The following ZNF385A variants were observed in gnomAD, a reference collection of about 807,000 sequenced individuals.
ZNF385A encodes zinc finger protein 385A, also known as hematopoietic zinc finger protein.
Under a neutral mutation model 32.1 loss-of-function variants are expected in ZNF385A, and 14 were observed. That is an observed-to-expected ratio of 0.44 (90% confidence interval 0.29 to 0.68). The LOEUF is 0.68. ZNF385A is among the 30% of genes least tolerant of loss of function. The pLI is 0.14. For missense variants in ZNF385A, 406 were observed against 478.4 expected, an observed-to-expected ratio of 0.85 and a Z score of 1.41; for synonymous variants, 197 against 202.7, an observed-to-expected ratio of 0.97 and a Z score of 0.24.
At chr12:54,376,007 C>T in intron 1 of ZNF385A, 53 bp from the exon 2 acceptor site, 5 of 1,437,462 alleles carry the variant, frequency 3.5e-6, no homozygotes, top group Non-Finnish European at 4.9e-6. Context: ...TCATGTCCAG[C>T]ATTCCCCCAA....
chr12:54,388,634 A>G (rs1955556294), upstream of ZNF385A, among the ~76,000 whole-genome samples: 1 of 152,240 alleles, frequency 6.6e-6, no homozygotes, highest in Non-Finnish European at 1.5e-5. Context: ...GCAAGTAGTT[A>G]GGGCCCAAGG....
rs1458007917 is a variant in ZNF385A, at chr12:54,369,519, C to CT, written c.*736dup. ...AAGGCGAGGCGGGGGTGGGCTTGGACTGGACACCCCTTGCCCCCCTCGGTA... is the reference window on the plus strand; with the variant it reads ...AAGGCGAGGCGGGGGTGGGCTTGGACTTGGACACCCCTTGCCCCCCTCGGTA... On this transcript the variant is annotated 3_prime_UTR_variant, in exon 7 of 7. Transcript: ENST00000394313. 1 of 152,650 alleles carries CT rather than the reference C, an allele frequency of 6.6e-6. No individual in the cohort carries two copies. Among genetic ancestry groups the CT allele is most frequent in the Admixed American group, 6.5e-5 (1 of 15,276 alleles). 9.5% of individuals were successfully genotyped at this position (152,650 alleles called of 1,614,324 possible). A position where few individuals can be genotyped will look rare whatever the true frequency, so the allele number is the denominator to read the frequency against.
At chr12:54,391,183 C>T (rs1955631379) in intron 1 of ZNF385A, 1 of 1,470,506 alleles carries the variant, frequency 6.8e-7, no homozygotes, top group Non-Finnish European at 9.1e-7. Flanking sequence ...GGTGGGTGAC[C>T]CACAGAGAGG....
chr12:54,385,951 G>A (rs575081273), upstream of ZNF385A, among the ~76,000 whole-genome samples: 1 of 152,216 alleles, frequency 6.6e-6, no homozygotes, highest in East Asian at 1.9e-4. Flanking sequence ...GTCCAGAAAG[G>A]TCTGGAGGGG....
rs768672880 is a variant in ZNF385A, at chr12:54,370,250, T to C, written c.*6A>G. 353 of 1,445,318 alleles carry C rather than the reference T, an allele frequency of 2.4e-4. No homozygotes were observed. Among genetic ancestry groups the C allele is most frequent in the Non-Finnish European group, 3.1e-4 (339 of 1,096,022 alleles). 89.5% of individuals were successfully genotyped at this position (1,445,318 alleles called of 1,614,324 possible). ...GGAGTTGAATGGGAGGGGTTCAGGGTTGAGGTCAGTACGGGGAGAAGAGGA... is the reference window on the plus strand; with the variant it reads ...GGAGTTGAATGGGAGGGGTTCAGGGCTGAGGTCAGTACGGGGAGAAGAGGA... On this transcript the variant is annotated 3_prime_UTR_variant, in exon 7 of 7. Transcript: ENST00000394313. This position sits in a 1 kb window ranked among gnomAD's most constrained non-coding sequence, Gnocchi z 5.5.
chr12:54,377,216 G>A (rs1042905939), intron 1 of ZNF385A, among the ~76,000 whole-genome samples: 3 of 152,112 alleles, frequency 2.0e-5, no homozygotes, highest in African/African-American at 4.8e-5. Flanking sequence ...ATGGGCTTTC[G>A]TATCCCTGTG....
At chr12:54,379,216 GA>G (rs1955009453) in intron 1 of ZNF385A, 1 of 982,624 alleles carries the variant, frequency 1.0e-6, no homozygotes, top group Non-Finnish European at 1.2e-6. Flanking sequence ...GGGAGAAGGG[GA>G]GGCGGCGCTG....
intron 1 of ZNF385A, among the ~76,000 whole-genome samples, chr12:54,377,441 CTG>C (rs1351041036): frequency 6.6e-6 from 1 of 152,090 alleles, no homozygotes; most frequent in African/African-American, 2.4e-5. Flanking sequence ...ACGGGTGTGT[CTG>C]TGTGTGTTAG....
Position 54,369,803 on chromosome 12 carries a change from A to C in ZNF385A, c.*453T>G. 1 of 153,694 alleles carries C rather than the reference A, an allele frequency of 6.5e-6. No homozygotes were observed. The highest frequency in any genetic ancestry group is 1.5e-5 in the Non-Finnish European group (1 of 68,898). The allele number at this position is 153,694 out of a possible 1,614,324, so 9.5% of individuals were successfully genotyped here. On this transcript the variant is annotated 3_prime_UTR_variant, in exon 7 of 7. Transcript: ENST00000394313. ...GCCTGCTCCCCTCCCCCTACGGAGG[A>C]CGGGGGTGTTCACGGAAGCGCTTCA...
rs369869855 is a variant in ZNF385A at position 54,370,245 on chromosome 12, C to T, written c.*11G>A. On this transcript the variant is annotated 3_prime_UTR_variant, in exon 7 of 7. Coordinates refer to ENST00000394313, the MANE Select transcript of ZNF385A (RefSeq NM_015481.3). This position sits in a 1 kb window ranked among gnomAD's most constrained non-coding sequence, Gnocchi z 5.5. ...GGTGGGGAGTTGAATGGGAGGGGTT[C>T]AGGGTTGAGGTCAGTACGGGGAGAA... 2.1e-6 allele frequency: 3 copies of T among 1,439,762 alleles called. No homozygotes were observed. The highest frequency in any genetic ancestry group is 2.7e-6 in the Non-Finnish European group (3 of 1,093,378). 89.2% of individuals were successfully genotyped at this position (1,439,762 alleles called of 1,614,324 possible).
In ZNF385A at chr12:54,369,294, T is replaced by G. The variant is rs1401971647; in HGVS notation, c.*962A>C. On this transcript the variant is annotated 3_prime_UTR_variant, in exon 7 of 7. Transcript: ENST00000394313. Reference sequence around the variant, plus strand: ...CCTCCCGGGTCGGCGGCTGAAGGGTTGACGATACGGAAACCACGGAGTCGG... The same window carrying G: ...CCTCCCGGGTCGGCGGCTGAAGGGTGGACGATACGGAAACCACGGAGTCGG... The G allele has an allele frequency of 6.6e-6, 1 of 151,726 alleles. No individual in the cohort carries two copies. Among genetic ancestry groups the G allele is most frequent in the Non-Finnish European group, 1.5e-5 (1 of 67,868 alleles). The allele number at this position is 151,726 out of a possible 1,614,324, so 9.4% of individuals were successfully genotyped here. A position where few individuals can be genotyped will look rare whatever the true frequency, so the allele number is the denominator to read the frequency against.
At chr12:54,384,973 G>T (rs1054908205), upstream of ZNF385A, 3 of 964,158 alleles carry the variant, frequency 3.1e-6, no homozygotes, top group African/African-American at 5.2e-5. Context: ...TATCGCCCCA[G>T]GAAGAAGAGA....
rs554840003 is a variant in ZNF385A, at chr12:54,382,071, T to A, written c.87+2357A>T. Among the ~76,000 whole-genome samples the A allele has an allele frequency of 1.4e-3, 193 of 142,748 alleles. 1 individual carries two copies. The highest frequency in any genetic ancestry group is 4.6e-3 in the African/African-American group (181 of 39,468). 93.6% of individuals were successfully genotyped at this position (142,748 alleles called of 152,430 possible). A position where few individuals can be genotyped will look rare whatever the true frequency, so the allele number is the denominator to read the frequency against. On this transcript the variant is annotated intron_variant, in intron 1 of 6. Transcript: ENST00000394313. Reference sequence around the variant, plus strand: ...AAAATTTTTTTTTTGTTAAATTGAATTTTTTTTTTTTTTTGAGATGGAGTT... The same window carrying A: ...AAAATTTTTTTTTTGTTAAATTGAAATTTTTTTTTTTTTTGAGATGGAGTT...
chr12:54,382,243 T>G, intron 1 of ZNF385A, among the ~76,000 whole-genome samples: 1 of 65,452 alleles, frequency 1.5e-5, no homozygotes, highest in African/African-American at 4.2e-5. Context: ...AGTTTTTTGT[T>G]GTTTTTTTTT....
At chr12:54,376,930 G>A (rs1049657363) in intron 1 of ZNF385A, among the ~76,000 whole-genome samples, 2 of 152,230 alleles carry the variant, frequency 1.3e-5, no homozygotes, top group African/African-American at 4.8e-5. Flanking sequence ...GAAGATTGGG[G>A]GATGGCTGGG....
At chr12:54,384,794 C>T (rs1955384627), upstream of ZNF385A, 2 of 1,235,128 alleles carry the variant, frequency 1.6e-6, no homozygotes, top group Non-Finnish European at 2.0e-6. Flanking sequence ...TTTTCACTTC[C>T]CCCTTTTCCA....
intron 4 of ZNF385A, 64 bp from the exon 5 acceptor site, chr12:54,371,160 C>T (rs1174315476): frequency 1.3e-6 from 2 of 1,502,802 alleles, no homozygotes; most frequent in Non-Finnish European, 1.8e-6. Context: ...TACTGGGCCT[C>T]AGAATGCACA....
chr12:54,387,284 G>A (rs969807303), upstream of ZNF385A, among the ~76,000 whole-genome samples: 30 of 152,124 alleles, frequency 2.0e-4, no homozygotes, highest in African/African-American at 5.3e-4. Context: ...AGCGGGGGAG[G>A]GGAGGGGAGT....
chr12:54,389,674 T>G (rs1309693220), upstream of ZNF385A, among the ~76,000 whole-genome samples: 4 of 152,150 alleles, frequency 2.6e-5, no homozygotes, highest in Admixed American at 2.6e-4. Flanking sequence ...ATGCTGCCTC[T>G]CGAGCTGTGC....
Sources: gnomAD v4.1 joint callset for allele counts (sites outside exome capture counted in the v4.1 genomes callset) on GRCh38, gnomAD v4.1.1 for gene constraint, Gnocchi (gnomAD v3.1) non-coding constraint, MANE v1.5 for transcripts, NCBI Gene and HGNC (gene_info 2026-07-23, HGNC 2026-07-21) for gene names.